COL5A1: variants seen among roughly 807,000 people sequenced by gnomAD.
COL5A1 encodes collagen alpha-1(V) chain.
Under a neutral mutation model 263.7 loss-of-function variants are expected in COL5A1, and 16 were observed. The observed-to-expected ratio is 0.06, with a 90% CI of 0.04 to 0.09. The LOEUF is 0.09. COL5A1 is among the 10% of genes least tolerant of loss of function. The pLI, the probability that COL5A1 is intolerant of heterozygous loss-of-function variation, is 1.00. For synonymous variants in COL5A1, 1,012 were observed against 1,004.5 expected, an observed-to-expected ratio of 1.01 and a Z score of -0.14; for missense variants, 2,036 against 2,540.5, an observed-to-expected ratio of 0.80 and a Z score of 4.27.
At chr9:134,771,093 T>G (rs1836851925) in intron 25 of COL5A1, among the ~76,000 whole-genome samples, 1 of 152,224 alleles carries the variant, frequency 6.6e-6, no homozygotes, top group Admixed American at 6.5e-5. Flanking sequence ...AGCGGCGCTG[T>G]GTGCAGATGT....
At position 134,796,851 on chromosome 9, in the gene COL5A1, C is replaced by T; in HGVS notation, c.2848C>T (p.Pro950Ser). The T allele has an allele frequency of 6.2e-7, 1 of 1,614,124 alleles. No homozygotes were observed. ...ACTGGCCTTTCTCTGTTCCCAGGGACCCAATGGACCCCAAGGACCCACAGG... is the reference window on the plus strand; with the variant it reads ...ACTGGCCTTTCTCTGTTCCCAGGGATCCAATGGACCCCAAGGACCCACAGG... The part of the protein sequence containing the change: ...GPAGPPGERG[P>S]NGPQGPTGFP... The change falls in exon 36 of 66, where the codon CCC becomes TCC. Residue 950 changes from proline (P) to serine (S), a missense_variant. By Grantham distance (74) the Pro-to-Ser change is moderately conservative. Coordinates refer to ENST00000371817, the MANE Select transcript of COL5A1 (RefSeq NM_000093.5).
At chr9:134,837,792 G>A (rs984533477) in intron 65 of COL5A1, among the ~76,000 whole-genome samples, 11 of 152,156 alleles carry the variant, frequency 7.2e-5, no homozygotes, top group Admixed American at 3.9e-4. Context: ...CACTCCCCAC[G>A]TCCGAATGCG....
At position 134,691,136 on chromosome 9, in the gene COL5A1, A is replaced by G. The variant is rs141489397; in HGVS notation, c.277+57A>G. On this transcript the variant is annotated intron_variant, in intron 2 of 65. Transcript: ENST00000371817. ...GGGTCCCGTTGGCCCTCTGGCCTCC[A>G]GCCAGGAGCAGCGCTCAAGCCTGCG... is the stretch of plus-strand genomic sequence containing the variant. The G allele has an allele frequency of 0.032, 52,014 of 1,603,930 alleles. 1,057 individuals are homozygous for G. Among genetic ancestry groups the G allele is most frequent in the Non-Finnish European group, 0.038 (44,774 of 1,176,216 alleles).
intron 4 of COL5A1, among the ~76,000 whole-genome samples, chr9:134,703,831 G>A (rs1833755111): frequency 2.6e-5 from 4 of 151,832 alleles, no homozygotes; most frequent in South Asian, 2.1e-4. Context: ...AGTAGAGATG[G>A]GGTTTCACTG....
At chr9:134,691,995 C>G (rs1833301910) in intron 2 of COL5A1, among the ~76,000 whole-genome samples, 1 of 152,238 alleles carries the variant, frequency 6.6e-6, no homozygotes, top group Non-Finnish European at 1.5e-5. Context: ...AGGACACCCT[C>G]TTTTGAGGGG....
intron 4 of COL5A1, among the ~76,000 whole-genome samples, chr9:134,703,848 C>T (rs1833756027): frequency 6.6e-6 from 1 of 151,836 alleles, no homozygotes; most frequent in Admixed American, 6.6e-5. Flanking sequence ...ACTGTGTTAG[C>T]CAGGATGGTC....
intron 28 of COL5A1, 23 bp downstream of exon 28, chr9:134,780,169 G>C (rs751334079): frequency 6.2e-7 from 1 of 1,612,414 alleles, no homozygotes; most frequent in African/African-American, 1.3e-5. Context: ...TTGCAGCCAC[G>C]GGGCCCCCTG....
chr9:134,665,053 G>C (rs944637620), intron 1 of COL5A1, among the ~76,000 whole-genome samples: 3 of 152,198 alleles, frequency 2.0e-5, no homozygotes, highest in Non-Finnish European at 2.9e-5. Flanking sequence ...ACAAAAATTA[G>C]CCAGGTGTGG....
At chr9:134,714,441 T>A (rs1283968479) in intron 4 of COL5A1, among the ~76,000 whole-genome samples, 2 of 149,182 alleles carry the variant, frequency 1.3e-5, no homozygotes, top group Non-Finnish European at 3.0e-5. Context: ...TTTATGGTGG[T>A]GGATATGCTG....
In COL5A1 at chr9:134,682,148, G is replaced by A. The variant is rs1159474654; in HGVS notation, c.110-8764G>A. Among the ~76,000 whole-genome samples, 3 of 152,202 alleles carry A rather than the reference G, an allele frequency of 2.0e-5. No individual in the cohort carries two copies. Among genetic ancestry groups the A allele is most frequent in the East Asian group, 1.9e-4 (1 of 5,176 alleles). ...TGTTTGGCGGTGACCTCTGGAGGACGGGCCGGGGAGCTTTAAGGGCCAGGC... is the reference window on the plus strand; with the variant it reads ...TGTTTGGCGGTGACCTCTGGAGGACAGGCCGGGGAGCTTTAAGGGCCAGGC... On this transcript the variant is annotated intron_variant, in intron 1 of 65. Transcript: ENST00000371817. This position sits in a 1 kb window ranked among gnomAD's most constrained non-coding sequence, Gnocchi z 5.1.
chr9:134,738,380 T>A, intron 9 of COL5A1, 94 bp from the exon 10 acceptor site: 1 of 1,406,128 alleles, frequency 7.1e-7, no homozygotes, highest in Non-Finnish European at 1.0e-6. Context: ...CAGGGCCTCT[T>A]GTGCATGCAG....
At chr9:134,796,939 TCCCCTC>T in intron 36 of COL5A1, 38 bp downstream of exon 36, 2 of 279,000 alleles carry the variant, frequency 7.2e-6, no homozygotes, top group Non-Finnish European at 9.2e-6. Flanking sequence ...GCACTGCCTG[TCCCCTC>T]CAAAACCCAC....
intron 1 of COL5A1, among the ~76,000 whole-genome samples, chr9:134,674,637 G>C (rs11788246): frequency 6.6e-6 from 1 of 152,160 alleles, no homozygotes; most frequent in Non-Finnish European, 1.5e-5. Context: ...TGTAATCCCA[G>C]CACTTTGGGA....
intron 32 of COL5A1, among the ~76,000 whole-genome samples, chr9:134,792,752 T>G (rs1439293970): frequency 1.4e-5 from 2 of 143,476 alleles, no homozygotes; most frequent in African/African-American, 5.5e-5. Flanking sequence ...TCCGCATGCA[T>G]GCGTGCATGT....
Position 134,750,779 on chromosome 9 carries a change from T to TA in COL5A1, c.1570-10dup, listed in dbSNP as rs772929257. The TA allele has an allele frequency of 7.4e-6, 12 of 1,613,134 alleles. No homozygotes were observed. Among genetic ancestry groups the TA allele is most frequent in the Non-Finnish European group, 1.0e-5 (12 of 1,179,956 alleles). ...ACTGCTCCCAGAGTGACCCTTGTCT[T>TA]ACACTTGCAGTTCCGGTTTGGAGGT... On this transcript the variant is annotated splice_polypyrimidine_tract_variant and intron_variant, in intron 12 of 65. Transcript: ENST00000371817.
In COL5A1 at chr9:134,817,807, C is replaced by A; in HGVS notation, c.4206C>A (p.Gly1402=). The part of the protein sequence containing the change: ...RGPPGPAGPE[G]RQGEKGAKGE... ...CCCCAGGCCCCGCAGGCCCCGAAGG[C>A]AGACAGGGAGAGAAAGGGGCCAAGG... The change falls in exon 54 of 66, where the codon GGC becomes GGA. Residue 1402 remains glycine (G), a synonymous_variant. Transcript: ENST00000371817. 1 of 1,611,510 alleles carries A rather than the reference C, an allele frequency of 6.2e-7. No homozygotes were observed. The highest frequency in any genetic ancestry group is 8.5e-7 in the Non-Finnish European group (1 of 1,178,834).
chr9:134,770,432 G>A (rs928902666), intron 25 of COL5A1, among the ~76,000 whole-genome samples: 5 of 152,138 alleles, frequency 3.3e-5, no homozygotes, highest in African/African-American at 1.2e-4. Context: ...CTGGGGAAAT[G>A]GTTAAGTGAA....
rs1831328543 is a variant in COL5A1, at chr9:134,642,490, C to T, written c.109+194C>T. 6.6e-6 allele frequency among the ~76,000 whole-genome samples: 1 copy of T among 151,088 alleles called. No individual in the cohort carries two copies. The highest frequency in any genetic ancestry group is 6.6e-5 in the Admixed American group (1 of 15,238). Reference sequence around the variant, plus strand: ...GCAGACACAATGCCCGCGGGCGCGCCGCCGCCCCCTCCCCAGACGGGCGGG... The same window carrying T: ...GCAGACACAATGCCCGCGGGCGCGCTGCCGCCCCCTCCCCAGACGGGCGGG... On this transcript the variant is annotated intron_variant, in intron 1 of 65. Transcript: ENST00000371817. This position sits in a 1 kb window ranked among gnomAD's most constrained non-coding sequence, Gnocchi z 4.5.
intron 4 of COL5A1, among the ~76,000 whole-genome samples, chr9:134,717,319 G>A (rs116235675): frequency 0.033 from 4,959 of 152,306 alleles, 187 homozygotes; most frequent in South Asian, 0.13. Context: ...TGCGGGGAAC[G>A]CAGTCGTGTT....
Sources: gnomAD v4.1 joint callset for allele counts (sites outside exome capture counted in the v4.1 genomes callset) on GRCh38, gnomAD v4.1.1 for gene constraint, Gnocchi (gnomAD v3.1) non-coding constraint, MANE v1.5 for transcripts, NCBI Gene and HGNC (gene_info 2026-07-23, HGNC 2026-07-21) for gene names.